Variants in SMCHD1 observed in about 807,000 individuals in gnomAD.
SMCHD1 encodes structural maintenance of chromosomes flexible hinge domain containing 1.
In SMCHD1, 78 loss-of-function variants were observed where a neutral mutation model predicts 254.7. The ratio of observed to expected loss-of-function variants is 0.31; its 90% CI spans 0.26 to 0.37. SMCHD1 has a LOEUF of 0.37. Ranked by LOEUF, SMCHD1 falls within the 10% of genes least tolerant of loss-of-function variation. SMCHD1 has a pLI of 1.00. For synonymous variants in SMCHD1, 766 were observed against 794.9 expected, an observed-to-expected ratio of 0.96 and a Z score of 0.61; for missense variants, 1,840 against 2,408.1, an observed-to-expected ratio of 0.76 and a Z score of 4.94.
chr18:2,690,271 A>G (rs1325075812), intron 7 of SMCHD1, among the ~76,000 whole-genome samples: 1 of 152,194 alleles, frequency 6.6e-6, no homozygotes, highest in African/African-American at 2.4e-5. Context: ...ATTTTGATAC[A>G]CAATGGTTTT....
At chr18:2,684,325 CAA>C (rs2073992457) in intron 5 of SMCHD1, among the ~76,000 whole-genome samples, 1 of 152,096 alleles carries the variant, frequency 6.6e-6, no homozygotes, top group Non-Finnish European at 1.5e-5. Flanking sequence ...TGTAATAATA[CAA>C]AGAGTGATCA....
At position 2,804,113 on chromosome 18, in the gene SMCHD1, G is replaced by A. The variant is rs2076409533; in HGVS notation, c.*1561G>A. Reference sequence around the variant, plus strand: ...ATGAAAATGATTGATTGATAGGTAAGAAAGGTTAAAGAGAAATGACTTTTT... The same window carrying A: ...ATGAAAATGATTGATTGATAGGTAAAAAAGGTTAAAGAGAAATGACTTTTT... On this transcript the variant is annotated 3_prime_UTR_variant, in exon 48 of 48. Coordinates refer to ENST00000320876, the MANE Select transcript of SMCHD1 (RefSeq NM_015295.3). 2 of 152,136 alleles carry A rather than the reference G, an allele frequency of 1.3e-5. No individual in the cohort carries two copies. The highest frequency in any genetic ancestry group is 1.3e-4 in the Admixed American group (2 of 15,262). 9.4% of individuals were successfully genotyped at this position (152,136 alleles called of 1,614,324 possible).
At chr18:2,772,150 C>T in intron 40 of SMCHD1, 100 bp from the exon 41 acceptor site, 2 of 981,688 alleles carry the variant, frequency 2.0e-6, no homozygotes, top group Non-Finnish European at 1.3e-6. Flanking sequence ...ACTTTATATT[C>T]TTTAGTTATC....
At chr18:2,786,200 G>A (rs1226442055) in intron 45 of SMCHD1, among the ~76,000 whole-genome samples, 2 of 152,014 alleles carry the variant, frequency 1.3e-5, no homozygotes, top group African/African-American at 2.4e-5. Flanking sequence ...CTTTAGTAGA[G>A]ATGGGGTTTG....
At chr18:2,742,596 A>G (rs894455006) in intron 28 of SMCHD1, among the ~76,000 whole-genome samples, 3 of 152,190 alleles carry the variant, frequency 2.0e-5, no homozygotes, top group Non-Finnish European at 4.4e-5. Context: ...ATTATTTTAC[A>G]GTGACTTTTT....
intron 45 of SMCHD1, among the ~76,000 whole-genome samples, chr18:2,791,582 A>G (rs1156905235): frequency 6.6e-6 from 1 of 152,218 alleles, no homozygotes; most frequent in Non-Finnish European, 1.5e-5. Flanking sequence ...ACGTGAAAGA[A>G]TAGTTTTCAA....
At chr18:2,696,460 T>C (rs2074287570) in intron 8 of SMCHD1, among the ~76,000 whole-genome samples, 1 of 152,182 alleles carries the variant, frequency 6.6e-6, no homozygotes. Context: ...CTTATGAGAC[T>C]CTAGTGCTTG....
chr18:2,751,869 C>T (rs539505275), intron 33 of SMCHD1, among the ~76,000 whole-genome samples: 1 of 152,110 alleles, frequency 6.6e-6, no homozygotes, highest in African/African-American at 2.4e-5. Context: ...ATGTTTTTAA[C>T]CTAATATATC....
intron 42 of SMCHD1, 87 bp from the exon 43 acceptor site, chr18:2,777,719 C>T: frequency 4.6e-6 from 3 of 653,664 alleles, no homozygotes; most frequent in Non-Finnish European, 7.8e-6. Context: ...AAATGATGTG[C>T]AATATATTCA....
chr18:2,765,967 T>A (rs2075859224), intron 37 of SMCHD1, among the ~76,000 whole-genome samples: 1 of 150,570 alleles, frequency 6.6e-6, no homozygotes. Flanking sequence ...AAAGAAAACT[T>A]TACCTGTTTT....
chr18:2,798,229 A>G (rs2076296159), intron 47 of SMCHD1, among the ~76,000 whole-genome samples: 1 of 150,470 alleles, frequency 6.6e-6, no homozygotes, highest in African/African-American at 2.4e-5. Flanking sequence ...CTCCTCCCTC[A>G]TCATGTTGCA....
chr18:2,764,001 GCTTT>G (rs1261587461), intron 37 of SMCHD1: 1 of 445,278 alleles, frequency 2.2e-6, no homozygotes, highest in East Asian at 4.4e-5. Context: ...TGGGATAACA[GCTTT>G]CTCTGATTCT....
intron 27 of SMCHD1, 117 bp downstream of exon 27, chr18:2,739,637 C>A: frequency 2.9e-6 from 2 of 694,456 alleles, no homozygotes; most frequent in South Asian, 4.0e-5. Context: ...TATAATGTTA[C>A]TGATATAAAA....
At chr18:2,663,523 A>T (rs963101606) in intron 1 of SMCHD1, among the ~76,000 whole-genome samples, 3 of 152,082 alleles carry the variant, frequency 2.0e-5, no homozygotes, top group African/African-American at 7.2e-5. Context: ...CCTGGAATTT[A>T]TTTTTGTCTA....
In SMCHD1 at chr18:2,688,645, A is replaced by C; in HGVS notation, c.771A>C (p.Ala257=). ...TTTAACAGATGATAAGCAAACCTGC[A>C]GATTCCCAAGATGTTCACGAGCTTG... is the stretch of plus-strand genomic sequence containing the variant. The part of the protein sequence containing the change: ...GQSARMISKP[A]DSQDVHELVL... Residue 257 remains alanine (A), a synonymous_variant, in exon 7 of 48, where the codon GCA becomes GCC. Coordinates refer to ENST00000320876, the MANE Select transcript of SMCHD1 (RefSeq NM_015295.3). The C allele has an allele frequency of 1.3e-6, 2 of 1,557,484 alleles. No individual in the cohort carries two copies. The highest frequency in any genetic ancestry group is 2.4e-5 in the East Asian group (1 of 42,234).
chr18:2,708,902 ATAT>A lies in SMCHD1; in HGVS notation c.2260+983_2260+985del, dbSNP rs1280662062. Among the ~76,000 whole-genome samples the A allele has an allele frequency of 6.2e-4, 42 of 68,202 alleles. 5 individuals are homozygous for A. The highest frequency in any genetic ancestry group is 2.0e-3 in the East Asian group (4 of 2,040). 44.7% of individuals were successfully genotyped at this position (68,202 alleles called of 152,430 possible). On this transcript the variant is annotated intron_variant, in intron 17 of 47. Transcript: ENST00000320876. ...TATATATATATATATATATATATAT[ATAT>A]ATAACATATTAACATGAAATTTATG...
In SMCHD1 at chr18:2,802,452, T is replaced by C. The variant is rs571901275; in HGVS notation, c.5994-76T>C. ...TATGGTTTCATTGGATATTTAAGCA[T>C]TCAGGTGTGATGAGGGAATTCAGGG... On this transcript the variant is annotated intron_variant, in intron 47 of 47. Transcript: ENST00000320876. 88 of 1,089,274 alleles carry C rather than the reference T, an allele frequency of 8.1e-5. No homozygotes were observed. In the South Asian group the frequency reaches 1.3e-3, roughly 15 times the overall value. The allele number at this position is 1,089,274 out of a possible 1,614,324, so 67.5% of individuals were successfully genotyped here.
At chr18:2,672,198 A>G (rs2073625452) in intron 3 of SMCHD1, among the ~76,000 whole-genome samples, 1 of 152,032 alleles carries the variant, frequency 6.6e-6, no homozygotes. Flanking sequence ...TAGGGTGAGT[A>G]GAAGTGCTTG....
chr18:2,673,720 C>G (rs1015202360), intron 4 of SMCHD1, among the ~76,000 whole-genome samples: 1 of 151,834 alleles, frequency 6.6e-6, no homozygotes, highest in Non-Finnish European at 1.5e-5. Context: ...TGTATTTTTG[C>G]CACTGGAAGG....
Sources: allele counts gnomAD v4.1 joint callset (sites outside exome capture counted in the v4.1 genomes callset), GRCh38; gene constraint gnomAD v4.1.1; transcripts MANE v1.5; gene names NCBI Gene and HGNC (gene_info 2026-07-23, HGNC 2026-07-21).